The following POU6F2 variants were observed in gnomAD, a reference collection of about 807,000 sequenced individuals.
POU6F2 encodes the protein POU domain, class 6, transcription factor 2.
Under a neutral mutation model 71.3 loss-of-function variants are expected in POU6F2, and 31 were observed. That is an observed-to-expected ratio of 0.43 (90% CI 0.33 to 0.59). The LOEUF is 0.59. POU6F2 is among the 20% of genes least tolerant of loss of function. The probability of loss-of-function intolerance (pLI) is 0.04; values close to 1 mark genes in which losing one functional copy is unlikely to be tolerated. For synonymous variants in POU6F2, 347 were observed against 355.7 expected (o/e 0.98, Z 0.27); for missense variants, 783 against 856.8 (o/e 0.91, Z 1.07).
At chr7:39,251,089 G>T (rs778427819) in intron 4 of POU6F2, among the ~76,000 whole-genome samples, 1 of 152,154 alleles carries the variant, frequency 6.6e-6, no homozygotes, top group African/African-American at 2.4e-5. Flanking sequence ...ATTCATTTAC[G>T]TAAATCTAAA....
chr7:39,001,517 C>T (rs960881404), intron 1 of POU6F2, among the ~76,000 whole-genome samples: 2 of 152,120 alleles, frequency 1.3e-5, no homozygotes, highest in African/African-American at 4.8e-5. Flanking sequence ...AAAATTATTA[C>T]TAAGCTAGTG....
chr7:39,013,500 C>T (rs1035971641), intron 1 of POU6F2: 2 of 156,962 alleles, frequency 1.3e-5, no homozygotes, highest in Non-Finnish European at 2.8e-5. Flanking sequence ...GCGTCGCTCA[C>T]GCTGGGAGCT....
intron 1 of POU6F2, among the ~76,000 whole-genome samples, chr7:39,056,751 GA>G (rs1485414120): frequency 2.0e-5 from 3 of 150,752 alleles, no homozygotes; most frequent in Non-Finnish European, 4.4e-5. Context: ...ATGCCAGTAG[GA>G]CATTTTTTAA....
At chr7:39,339,553 C>G (rs1785862276) in intron 4 of POU6F2, 89 bp from the exon 5 acceptor site, 1 of 1,453,186 alleles carries the variant, frequency 6.9e-7, no homozygotes, top group Non-Finnish European at 9.1e-7. Context: ...AAAGGAAACC[C>G]TTCTCCACTT....
chr7:38,985,453 A>G (rs1375557857), intron 1 of POU6F2, among the ~76,000 whole-genome samples: 1 of 152,104 alleles, frequency 6.6e-6, no homozygotes, highest in African/African-American at 2.4e-5. Flanking sequence ...AGAATGTTCC[A>G]GCTTGAATCT....
At chr7:39,338,727 GC>G (rs1175441392) in intron 4 of POU6F2, among the ~76,000 whole-genome samples, 1 of 152,206 alleles carries the variant, frequency 6.6e-6, no homozygotes, top group African/African-American at 2.4e-5. Flanking sequence ...TTGGTTTTTA[GC>G]CGTAAATTTC....
intron 6 of POU6F2, among the ~76,000 whole-genome samples, chr7:39,416,929 G>A (rs922072336): frequency 1.3e-5 from 2 of 152,062 alleles, no homozygotes; most frequent in African/African-American, 4.8e-5. Context: ...CCATACAATG[G>A]GCTGTTGATG....
At chr7:39,230,054 A>G (rs976754595) in intron 4 of POU6F2, among the ~76,000 whole-genome samples, 2 of 152,266 alleles carry the variant, frequency 1.3e-5, no homozygotes, top group Non-Finnish European at 2.9e-5. Flanking sequence ...ACTAGGAAGC[A>G]GTGGAGTCCA....
chr7:39,419,584 C>G (rs1399828001), intron 6 of POU6F2, among the ~76,000 whole-genome samples: 1 of 152,028 alleles, frequency 6.6e-6, no homozygotes, highest in Admixed American at 6.6e-5. Flanking sequence ...TGTGGATATG[C>G]TTTTAAGTGG....
intron 1 of POU6F2, among the ~76,000 whole-genome samples, chr7:39,071,075 G>GTAT (rs1790869033): frequency 6.6e-6 from 1 of 152,044 alleles, no homozygotes; most frequent in African/African-American, 2.4e-5. Flanking sequence ...TTTATTTCTT[G>GTAT]TATTATTATT....
intron 2 of POU6F2, among the ~76,000 whole-genome samples, chr7:39,171,882 CT>C (rs1223019437): frequency 6.6e-6 from 1 of 152,192 alleles, no homozygotes; most frequent in Non-Finnish European, 1.5e-5. Flanking sequence ...ATCTTTCATG[CT>C]CAACAGTTTC....
At chr7:39,042,746 T>A (rs993313720) in intron 1 of POU6F2, among the ~76,000 whole-genome samples, 1 of 151,968 alleles carries the variant, frequency 6.6e-6, no homozygotes, top group Non-Finnish European at 1.5e-5. Flanking sequence ...GGTAAATGGA[T>A]CTTATCAGAG....
intron 2 of POU6F2, among the ~76,000 whole-genome samples, chr7:39,153,989 G>A (rs1418224756): frequency 1.3e-5 from 2 of 152,152 alleles, no homozygotes; most frequent in African/African-American, 4.8e-5. Context: ...AACATCAATA[G>A]TAACTGTTAG....
At chr7:39,422,799 C>G (rs1019853284) in intron 6 of POU6F2, among the ~76,000 whole-genome samples, 2 of 152,164 alleles carry the variant, frequency 1.3e-5, no homozygotes, top group Non-Finnish European at 2.9e-5. Context: ...TAAAATAACT[C>G]AGTCCGGATT....
intron 5 of POU6F2, among the ~76,000 whole-genome samples, chr7:39,364,161 T>C (rs2115724184): frequency 6.6e-6 from 1 of 152,166 alleles, no homozygotes; most frequent in South Asian, 2.1e-4. Flanking sequence ...CAGCTCAGCA[T>C]TGTCATCCAC....
intron 5 of POU6F2, chr7:39,373,400 T>C (rs866102018): frequency 1.3e-4 from 58 of 456,048 alleles, no homozygotes; most frequent in African/African-American, 1.1e-3. Flanking sequence ...TGATAATTAG[T>C]ATGCCAAGAG....
chr7:39,365,208 A>G (rs1185801270), intron 5 of POU6F2, among the ~76,000 whole-genome samples: 2 of 152,216 alleles, frequency 1.3e-5, no homozygotes, highest in African/African-American at 4.8e-5. Context: ...ATGGAACTGA[A>G]TAGAGAACTT....
At chr7:39,221,577 G>T (rs767984254) in intron 4 of POU6F2, among the ~76,000 whole-genome samples, 1 of 151,678 alleles carries the variant, frequency 6.6e-6, no homozygotes, top group Non-Finnish European at 1.5e-5. Flanking sequence ...AGTAGAGACC[G>T]GGGTTTCACC....
intron 1 of POU6F2, among the ~76,000 whole-genome samples, chr7:39,054,319 C>G (rs752085682): frequency 1.3e-4 from 20 of 151,952 alleles, no homozygotes; most frequent in Non-Finnish European, 2.6e-4. Context: ...CATTTCTTAT[C>G]AACCCTGACC....
Sources: allele counts gnomAD v4.1 joint callset (sites outside exome capture counted in the v4.1 genomes callset), GRCh38; gene constraint gnomAD v4.1.1; transcripts MANE v1.5; gene names NCBI Gene and HGNC (gene_info 2026-07-23, HGNC 2026-07-21).